Variants in NUBPL observed in about 807,000 individuals in gnomAD.
The protein encoded by NUBPL is iron-sulfur cluster transfer protein NUBPL.
In NUBPL, 31 loss-of-function variants were observed where a neutral mutation model predicts 45.7. The observed-to-expected ratio is 0.68, with a 90% CI of 0.51 to 0.92. The LOEUF is 0.92. Among genes scored for constraint, NUBPL ranks in the 40% least tolerant of loss-of-function variants. The pLI, the probability that NUBPL is intolerant of heterozygous loss-of-function variation, is 0.00. For missense variants in NUBPL, 401 were observed against 398.7 expected, an observed-to-expected ratio of 1.01 and a Z score of -0.05; for synonymous variants, 144 against 140.9, an observed-to-expected ratio of 1.02 and a Z score of -0.15.
intron 4 of NUBPL, among the ~76,000 whole-genome samples, chr14:31,649,240 T>C (rs1954440): frequency 0.29 from 44,127 of 152,172 alleles, 7,402 homozygotes; most frequent in South Asian, 0.41. Flanking sequence ...TTCCACTTAT[T>C]AGTTTGGCTT....
intron 6 of NUBPL, among the ~76,000 whole-genome samples, chr14:31,687,354 A>G (rs769831299): frequency 5.1e-4 from 78 of 152,246 alleles, no homozygotes; most frequent in Non-Finnish European, 1.1e-3. Context: ...ATATGTTGAT[A>G]CTAGTGTATT....
intron 6 of NUBPL, among the ~76,000 whole-genome samples, chr14:31,679,332 G>A (rs1326758680): frequency 1.3e-5 from 2 of 152,076 alleles, no homozygotes; most frequent in Non-Finnish European, 2.9e-5. Context: ...TCCTGCGTTG[G>A]GGGCGGGGGG....
chr14:31,817,995 G>A (rs1206997749), intron 7 of NUBPL, among the ~76,000 whole-genome samples: 1 of 151,758 alleles, frequency 6.6e-6, no homozygotes, highest in African/African-American at 2.4e-5. Context: ...AGAAAAAAAA[G>A]GAAAAAAAGC....
chr14:31,717,423 G>A (rs1301289285), intron 6 of NUBPL, among the ~76,000 whole-genome samples: 1 of 152,064 alleles, frequency 6.6e-6, no homozygotes, highest in Non-Finnish European at 1.5e-5. Context: ...TTGTCTCAGG[G>A]CCTTTATACA....
At chr14:31,613,872 T>A (rs570290466) in intron 4 of NUBPL, among the ~76,000 whole-genome samples, 1 of 152,030 alleles carries the variant, frequency 6.6e-6, no homozygotes, top group African/African-American at 2.4e-5. Flanking sequence ...ACCCCATAAA[T>A]ATATACATAC....
chr14:31,666,465 A>G lies in NUBPL; in HGVS notation c.383-6890A>G, dbSNP rs138055820. Among the ~76,000 whole-genome samples the G allele has an allele frequency of 9.4e-3, 1,422 of 151,558 alleles. 21 individuals are homozygous for G. Among genetic ancestry groups the G allele is most frequent in the African/African-American group, 0.033 (1,356 of 41,268 alleles). ...TTCTTAGTAGAGACAGGGTTTGACC[A>G]TATTGGTCAGGCTGGTCTCAAACTC... On this transcript the variant is annotated intron_variant, in intron 4 of 10. Coordinates refer to ENST00000281081, the MANE Select transcript of NUBPL (RefSeq NM_025152.3).
intron 3 of NUBPL, among the ~76,000 whole-genome samples, chr14:31,582,386 C>T (rs1425722610): frequency 2.2e-5 from 3 of 138,970 alleles, no homozygotes; most frequent in South Asian, 2.3e-4. Context: ...AATTTGTGTA[C>T]TTTTTTTTTT....
intron 7 of NUBPL, chr14:31,801,072 T>C (rs2039579603): frequency 6.6e-6 from 1 of 152,326 alleles, no homozygotes; most frequent in African/African-American, 2.4e-5. Flanking sequence ...TGAACTGTCT[T>C]AGTGGAACTT....
Position 31,652,207 on chromosome 14 carries a change from T to C in NUBPL, c.383-21148T>C, listed in dbSNP as rs558541703. On this transcript the variant is annotated intron_variant, in intron 4 of 10. Coordinates refer to ENST00000281081, the MANE Select transcript of NUBPL (RefSeq NM_025152.3). Reference sequence around the variant, plus strand: ...AAATAGCCAGGCATAGAAAGACAAATATCATGTGATCTCACTTATGTGCGG... The same window carrying C: ...AAATAGCCAGGCATAGAAAGACAAACATCATGTGATCTCACTTATGTGCGG... Among the ~76,000 whole-genome samples, 17 of 151,462 alleles carry C rather than the reference T, an allele frequency of 1.1e-4. No individual in the cohort carries two copies. In the South Asian group the frequency reaches 3.6e-3, roughly 32 times the overall value.
Position 31,562,018 on chromosome 14 carries a change from A to G in NUBPL, c.109-50A>G, listed in dbSNP as rs756016290. On this transcript the variant is annotated intron_variant, in intron 1 of 10. Transcript: ENST00000281081. ...TTGTTTTTGCTTTTACAGTGTGATG[A>G]TGGAGATGGCTTATTTAAAACGGCT... is the stretch of plus-strand genomic sequence containing the variant. 3 of 1,539,446 alleles carry G rather than the reference A, an allele frequency of 1.9e-6. No homozygotes were observed. The African/African-American group carries it at 4.1e-5, about 21-fold the overall frequency.
chr14:31,824,761 T>C (rs1459092068), intron 7 of NUBPL, among the ~76,000 whole-genome samples: 1 of 152,202 alleles, frequency 6.6e-6, no homozygotes, highest in Admixed American at 6.5e-5. Flanking sequence ...CAGTTATTTA[T>C]TGTTAATCTT....
chr14:31,593,386 C>T (rs572392042), intron 3 of NUBPL, among the ~76,000 whole-genome samples: 68 of 151,692 alleles, frequency 4.5e-4, no homozygotes, highest in Middle Eastern at 6.8e-3. Flanking sequence ...TGCTGGGGGG[C>T]GTCTGTAGTC....
intron 4 of NUBPL, chr14:31,662,293 A>G (rs1373371345): frequency 1.8e-5 from 1 of 54,542 alleles, no homozygotes; most frequent in African/African-American, 3.1e-5. Context: ...ATTTTATTTT[A>G]TTTTACTTTA....
At chr14:31,853,091 T>G (rs1248866982) in intron 10 of NUBPL, among the ~76,000 whole-genome samples, 5 of 146,102 alleles carry the variant, frequency 3.4e-5, no homozygotes, top group Non-Finnish European at 7.4e-5. Flanking sequence ...TGTTTTGTTT[T>G]GTTTTGTTTT....
chr14:31,700,431 G>A (rs900851120), intron 6 of NUBPL, among the ~76,000 whole-genome samples: 2 of 152,140 alleles, frequency 1.3e-5, no homozygotes, highest in Non-Finnish European at 2.9e-5. Context: ...CGGCCTCAGC[G>A]CCTACTCTGG....
At chr14:31,850,468 A>T (rs1455464646) in intron 10 of NUBPL, among the ~76,000 whole-genome samples, 2 of 152,196 alleles carry the variant, frequency 1.3e-5, no homozygotes, top group African/African-American at 4.8e-5. Flanking sequence ...AGAGTTTGTA[A>T]AATTCTTATA....
intron 4 of NUBPL, among the ~76,000 whole-genome samples, chr14:31,661,754 A>G (rs377738498): frequency 6.6e-5 from 10 of 151,986 alleles, no homozygotes; most frequent in African/African-American, 2.4e-4. Context: ...GTTGGCCAGG[A>G]TGGTCTCAAT....
chr14:31,834,670 T>C (rs2040252966), intron 8 of NUBPL, among the ~76,000 whole-genome samples: 1 of 152,208 alleles, frequency 6.6e-6, no homozygotes, highest in South Asian at 2.1e-4. Context: ...CTATGTATGC[T>C]TTGAACTAGA....
chr14:31,808,619 T>C (rs563155590), intron 7 of NUBPL, among the ~76,000 whole-genome samples: 50 of 152,306 alleles, frequency 3.3e-4, no homozygotes, highest in Non-Finnish European at 6.3e-4. Context: ...TTTCTTTCTC[T>C]TGCCTGATTG....
Sources: allele counts gnomAD v4.1 joint callset (sites outside exome capture counted in the v4.1 genomes callset), GRCh38; gene constraint gnomAD v4.1.1; transcripts MANE v1.5; gene names NCBI Gene and HGNC (gene_info 2026-07-23, HGNC 2026-07-21).